DGKK: variants seen among roughly 807,000 people sequenced by gnomAD.
The protein encoded by DGKK is 142 kDa diacylglycerol kinase.
DGKK carries 35 observed loss-of-function variants against 92.2 expected under a neutral mutation model. That is an observed-to-expected ratio of 0.38 (90% CI 0.29 to 0.50). The LOEUF (loss-of-function observed/expected upper bound fraction) is 0.50. Among genes scored for constraint, DGKK ranks in the 20% least tolerant of loss-of-function variants. DGKK has a pLI of 0.92. For synonymous variants in DGKK, 368 were observed against 360.6 expected, an observed-to-expected ratio of 1.02 and a Z score of -0.23; for missense variants, 910 against 992.2, an observed-to-expected ratio of 0.92 and a Z score of 1.11.
chrX:50,394,390 G>A (rs1413305080), intron 8 of DGKK, among the ~76,000 whole-genome samples: 1 of 111,704 alleles, frequency 9.0e-6, no homozygotes, highest in Non-Finnish European at 1.9e-5. Flanking sequence ...TCACTGGCCA[G>A]TGGAGCTTGA....
At chrX:50,382,667 C>T in intron 17 of DGKK, 64 bp from the exon 18 acceptor site, 1 of 906,917 alleles carries the variant, frequency 1.1e-6, no homozygotes, top group Non-Finnish European at 1.6e-6. Flanking sequence ...ATCAATTGGG[C>T]ATGAAGATGA....
At chrX:50,426,283 A>T (rs1163892601) in intron 1 of DGKK, among the ~76,000 whole-genome samples, 5 of 111,571 alleles carry the variant, frequency 4.5e-5, no homozygotes, top group Admixed American at 9.5e-5. Flanking sequence ...AGATATTTAC[A>T]CTACTACATT....
At chrX:50,447,754 CA>C (rs1332319058) in intron 1 of DGKK, among the ~76,000 whole-genome samples, 2 of 109,411 alleles carry the variant, frequency 1.8e-5, no homozygotes, top group Non-Finnish European at 3.8e-5. Context: ...GGGCAGAGTC[CA>C]AGTGACTTGC....
chrX:50,447,335 TATATATATTATATATATATATA>T (rs557608095), intron 1 of DGKK, among the ~76,000 whole-genome samples: 3,849 of 24,279 alleles, frequency 0.16, 398 homozygotes, highest in African/African-American at 0.28. Flanking sequence ...TGTATATATA[TATATATATTATATATATATATA>T]ATATATATAT....
At chrX:50,404,246 C>A (rs781800009) in intron 4 of DGKK, 62 bp from the exon 5 acceptor site, 2 of 1,128,940 alleles carry the variant, frequency 1.8e-6, no homozygotes, top group African/African-American at 3.7e-5. Context: ...TTAAAGAGGG[C>A]CTGAAAATCT....
intron 2 of DGKK, among the ~76,000 whole-genome samples, chrX:50,422,977 A>G (rs1925638023): frequency 8.9e-6 from 1 of 112,037 alleles, no homozygotes; most frequent in Non-Finnish European, 1.9e-5. Flanking sequence ...TTCACTGGCC[A>G]TAGTAGATAC....
At chrX:50,370,123 C>T (rs924653548) in intron 27 of DGKK, among the ~76,000 whole-genome samples, 1 of 111,908 alleles carries the variant, frequency 8.9e-6, no homozygotes, top group African/African-American at 3.2e-5. Flanking sequence ...TTAGATAGGC[C>T]ACAGAACCTG....
chrX:50,434,714 C>T (rs1925974878), intron 1 of DGKK, among the ~76,000 whole-genome samples: 1 of 111,000 alleles, frequency 9.0e-6, no homozygotes, highest in Admixed American at 9.6e-5. Context: ...TAGAGAGGTA[C>T]CTGAAATGTC....
chrX:50,403,576 C>G lies in DGKK; in HGVS notation c.1100G>C (p.Arg367Thr). 1 of 1,208,927 alleles carries G rather than the reference C, an allele frequency of 8.3e-7. No homozygotes were observed. The highest frequency in any genetic ancestry group is 2.2e-5 in the Admixed American group (1 of 46,019). Residue 367 changes from arginine to threonine, a missense_variant, in exon 6 of 28, where the codon AGA (arginine) becomes ACA (threonine). Transcript: ENST00000611977. Reference protein sequence around the residue: ...ICEVCKVKSHRLCALRASKDC... With the variant: ...ICEVCKVKSHTLCALRASKDC... Reference sequence around the variant, plus strand: ...TTTGCTTGCTCTCAAAGCACACAATCTGTGAGATTTCACTTTGCACACTGT... The same window carrying G: ...TTTGCTTGCTCTCAAAGCACACAATGTGTGAGATTTCACTTTGCACACTGT...
chrX:50,375,939 C>T, intron 24 of DGKK, 85 bp downstream of exon 24: 2 of 1,091,042 alleles, frequency 1.8e-6, no homozygotes, highest in Non-Finnish European at 2.5e-6. Flanking sequence ...GTTTCTCCGT[C>T]CAGCCTCCGG....
In DGKK at chrX:50,369,005, G is replaced by A. The variant is rs1557222803; in HGVS notation, c.3751C>T (p.Arg1251Cys). The A allele has an allele frequency of 2.2e-5, 27 of 1,205,111 alleles. No homozygotes were observed. The highest frequency in any genetic ancestry group is 1.6e-4 in the South Asian group (9 of 56,172). Residue 1251 changes from arginine (R) to cysteine (C), a missense_variant, in exon 28 of 28, where the codon CGC (arginine) becomes TGC (cysteine). Physicochemically the swap from Arg to Cys is radical, Grantham distance 180. Coordinates refer to ENST00000611977, the MANE Select transcript of DGKK (RefSeq NM_001013742.4). ...VQSFIGNLWHRRHREDEAEGD... is the reference protein window; with the variant it reads ...VQSFIGNLWHCRHREDEAEGD... The stretch of plus-strand genomic sequence containing the variant: ...TCTGCTTCATCTTCACGATGTCTGC[G>A]GTGCCATAAATTGCCTTCAGAGGAA...
In DGKK at chrX:50,386,458, A is replaced by T. The variant is rs782656640; in HGVS notation, c.2247T>A (p.Ile749=). The change falls in exon 15 of 28, where the codon ATT becomes ATA. Residue 749 remains isoleucine, a synonymous_variant. Coordinates refer to ENST00000611977, the MANE Select transcript of DGKK (RefSeq NM_001013742.4). Reference sequence around the variant, plus strand: ...ACTTGGCTATGTGGTCTATTTGAGGAATGAAGGGCTTCCTATCTGCCTTGC... The same window carrying T: ...ACTTGGCTATGTGGTCTATTTGAGGTATGAAGGGCTTCCTATCTGCCTTGC... ...DSSKADRKPF[I]PQIDHIAKCK... The T allele has an allele frequency of 8.3e-7, 1 of 1,211,088 alleles. No individual in the cohort carries two copies. The highest frequency in any genetic ancestry group is 1.1e-6 in the Non-Finnish European group (1 of 895,105).
intron 8 of DGKK, among the ~76,000 whole-genome samples, chrX:50,399,657 T>C (rs1204982266): frequency 2.7e-5 from 3 of 112,332 alleles, no homozygotes; most frequent in Admixed American, 9.4e-5. Flanking sequence ...CTGAAATTTA[T>C]GAGCAGTGTA....
chrX:50,384,577 G>A (rs782495458), intron 16 of DGKK, 143 bp downstream of exon 16: 5 of 519,510 alleles, frequency 9.6e-6, no homozygotes, highest in South Asian at 3.4e-5. Flanking sequence ...ATCTTATAGT[G>A]TGAGTTTCTG....
In DGKK at chrX:50,470,053, A is replaced by G. The variant is rs781934132; in HGVS notation, c.626T>C (p.Met209Thr). The G allele has an allele frequency of 1.7e-6, 2 of 1,203,984 alleles. No homozygotes were observed. Among genetic ancestry groups the G allele is most frequent in the Non-Finnish European group, 1.1e-6 (1 of 892,482 alleles). ...GCTTACCTTTATTCTGGACCACGACATTGGCGTTCTGGGCGATGGCGATGG... is the reference window on the plus strand; with the variant it reads ...GCTTACCTTTATTCTGGACCACGACGTTGGCGTTCTGGGCGATGGCGATGG... ...PSPSPSPRTP[M>T]SWSRIKKILK... Residue 209 changes from methionine (M) to threonine (T), a missense_variant, in exon 1 of 28, where the codon ATG (methionine) becomes ACG (threonine). Coordinates refer to ENST00000611977, the MANE Select transcript of DGKK (RefSeq NM_001013742.4).
At chrX:50,435,399 TG>T (rs1327771983) in intron 1 of DGKK, among the ~76,000 whole-genome samples, 1 of 112,264 alleles carries the variant, frequency 8.9e-6, no homozygotes, top group Non-Finnish European at 1.9e-5. Context: ...ACTCCTGAGC[TG>T]GGGAAATTGT....
At chrX:50,447,367 TATTA>T (rs1267621611) in intron 1 of DGKK, among the ~76,000 whole-genome samples, 2 of 13,966 alleles carry the variant, frequency 1.4e-4, no homozygotes, top group Non-Finnish European at 1.9e-4. Context: ...AATATATATA[TATTA>T]TATATATATA....
At position 50,378,606 on chromosome X, in the gene DGKK, A is replaced by G; in HGVS notation, c.2948T>C (p.Ile983Thr). The change falls in exon 21 of 28, where the codon ATC (isoleucine) becomes ACC (threonine). Residue 983 changes from isoleucine to threonine, a missense_variant. Coordinates refer to ENST00000611977, the MANE Select transcript of DGKK (RefSeq NM_001013742.4). ...GSVQMAMSRI[I>T]NLHHHRIAQC... ...GGCAATGCGATGATGATGCAGGTTG[A>G]TGATACGGGACATTGCCATCTGCAC... The G allele has an allele frequency of 8.3e-7, 1 of 1,209,084 alleles. No individual in the cohort carries two copies. The highest frequency in any genetic ancestry group is 1.1e-6 in the Non-Finnish European group (1 of 894,226).
chrX:50,371,665 G>C, intron 26 of DGKK, 59 bp downstream of exon 26: 2 of 879,968 alleles, frequency 2.3e-6, no homozygotes, highest in Admixed American at 2.6e-5. Flanking sequence ...CACTGGAAGG[G>C]AAGGCACTAA....
Sources: allele counts gnomAD v4.1 joint callset (sites outside exome capture counted in the v4.1 genomes callset), GRCh38; gene constraint gnomAD v4.1.1; transcripts MANE v1.5; gene names NCBI Gene and HGNC (gene_info 2026-07-23, HGNC 2026-07-21).